METTL25: variants seen among roughly 807,000 people sequenced by gnomAD.
METTL25 encodes probable methyltransferase-like protein 25.
METTL25 carries 64 observed loss-of-function variants against 71.6 expected under a neutral mutation model. The ratio of observed to expected loss-of-function variants is 0.89; its 90% confidence interval spans 0.73 to 1.10. The LOEUF is 1.10. Among genes scored for constraint, METTL25 ranks in the 50% least tolerant of loss-of-function variants. The pLI is 0.00. For missense variants in METTL25, 807 were observed against 707.0 expected, an observed-to-expected ratio of 1.14 and a Z score of -1.60; for synonymous variants, 287 against 250.3, an observed-to-expected ratio of 1.15 and a Z score of -1.38.
chr12:82,462,459 C>T (rs1406924144), intron 9 of METTL25, among the ~76,000 whole-genome samples: 1 of 151,872 alleles, frequency 6.6e-6, no homozygotes, highest in Non-Finnish European at 1.5e-5. Flanking sequence ...GAGAACATAC[C>T]GTATTTAATG....
chr12:82,396,242 A>G (rs1251054032), intron 3 of METTL25, among the ~76,000 whole-genome samples: 2 of 152,080 alleles, frequency 1.3e-5, no homozygotes, highest in African/African-American at 4.8e-5. Flanking sequence ...TCATTAAGTG[A>G]TGCATGACTG....
At chr12:82,447,721 T>A (rs1890856583) in intron 8 of METTL25, among the ~76,000 whole-genome samples, 1 of 152,134 alleles carries the variant, frequency 6.6e-6, no homozygotes. Flanking sequence ...ACTAGTAATG[T>A]ATTTCTCAAG....
chr12:82,420,049 G>A, intron 5 of METTL25, among the ~76,000 whole-genome samples: 1 of 152,090 alleles, frequency 6.6e-6, no homozygotes, highest in South Asian at 2.1e-4. Context: ...AGCAAGTCCT[G>A]CCATTTTCTA....
chr12:82,465,949 A>G (rs985933811), intron 9 of METTL25, among the ~76,000 whole-genome samples: 38 of 141,766 alleles, frequency 2.7e-4, no homozygotes, highest in East Asian at 8.3e-4. Context: ...TGTGATGTCT[A>G]TATTTTTGTT....
At chr12:82,435,256 T>A (rs1343897987) in intron 7 of METTL25, among the ~76,000 whole-genome samples, 1 of 151,506 alleles carries the variant, frequency 6.6e-6, no homozygotes, top group Non-Finnish European at 1.5e-5. Flanking sequence ...AAGATTTTTT[T>A]AAGAGTTTTT....
chr12:82,434,628 A>G, intron 6 of METTL25, 67 bp from the exon 7 acceptor site: 3 of 1,247,150 alleles, frequency 2.4e-6, no homozygotes, highest in East Asian at 2.4e-5. Context: ...AAACTCTTAT[A>G]CAGTGTGTTT....
At chr12:82,379,844 C>G (rs1884252072) in intron 1 of METTL25, among the ~76,000 whole-genome samples, 1 of 152,138 alleles carries the variant, frequency 6.6e-6, no homozygotes, top group East Asian at 1.9e-4. Flanking sequence ...TTCATCCATC[C>G]TTAGTCATGC....
chr12:82,416,333 T>A (rs1887978122), intron 5 of METTL25, among the ~76,000 whole-genome samples: 1 of 152,112 alleles, frequency 6.6e-6, no homozygotes, highest in African/African-American at 2.4e-5. Context: ...TTAAATTGCC[T>A]TCTATATTAT....
intron 5 of METTL25, among the ~76,000 whole-genome samples, chr12:82,410,367 C>T (rs375163474): frequency 4.3e-4 from 65 of 152,116 alleles, no homozygotes; most frequent in Non-Finnish European, 8.7e-4. Context: ...CAGTAAAGAT[C>T]TGACAATATT....
chr12:82,417,183 G>A (rs1247575161), intron 5 of METTL25, among the ~76,000 whole-genome samples: 1 of 151,726 alleles, frequency 6.6e-6, no homozygotes, highest in African/African-American at 2.4e-5. Context: ...TAAAATGGCT[G>A]GTAAATGACA....
chr12:82,377,834 C>CA (rs1020222260), intron 1 of METTL25, among the ~76,000 whole-genome samples: 3 of 151,944 alleles, frequency 2.0e-5, no homozygotes, highest in South Asian at 2.1e-4. Context: ...ACCACTGCAT[C>CA]AAAAAAAGGC....
At chr12:82,415,713 C>G (rs1887924668) in intron 5 of METTL25, among the ~76,000 whole-genome samples, 2 of 152,156 alleles carry the variant, frequency 1.3e-5, no homozygotes, top group African/African-American at 4.8e-5. Flanking sequence ...TTGTCCTACT[C>G]AGACCCTCAA....
chr12:82,436,563 G>T (rs1889931686), intron 7 of METTL25, among the ~76,000 whole-genome samples: 2 of 151,406 alleles, frequency 1.3e-5, no homozygotes, highest in Admixed American at 1.3e-4. Context: ...CTTTCTCTTA[G>T]GAAACAGCTG....
At chr12:82,370,781 C>CCTCTCT (rs569621258) in intron 1 of METTL25, among the ~76,000 whole-genome samples, 4 of 151,030 alleles carry the variant, frequency 2.6e-5, no homozygotes, top group African/African-American at 9.7e-5. Flanking sequence ...TCTCTTCCTC[C>CCTCTCT]CTCTCTCTCT....
chr12:82,457,725 C>T (rs1029820611), intron 9 of METTL25, among the ~76,000 whole-genome samples: 7 of 151,880 alleles, frequency 4.6e-5, no homozygotes, highest in African/African-American at 1.7e-4. Context: ...TTTTAATTAT[C>T]GTAATCCCTT....
intron 1 of METTL25, among the ~76,000 whole-genome samples, chr12:82,381,574 C>T (rs949433383): frequency 1.9e-4 from 29 of 152,254 alleles, no homozygotes; most frequent in African/African-American, 6.5e-4. Flanking sequence ...CTTTTGAAAG[C>T]GATAGTATAT....
intron 1 of METTL25, among the ~76,000 whole-genome samples, chr12:82,367,462 A>G (rs976516009): frequency 6.6e-6 from 1 of 152,192 alleles, no homozygotes; most frequent in Non-Finnish European, 1.5e-5. Flanking sequence ...CATTCCTTCT[A>G]TAAATGACAT....
chr12:82,441,833 A>ACACACACACG (rs1890368059), intron 8 of METTL25, among the ~76,000 whole-genome samples: 1 of 151,034 alleles, frequency 6.6e-6, no homozygotes, highest in Non-Finnish European at 1.5e-5. Context: ...ACACACACAC[A>ACACACACACG]GAAAAACCTG....
At chr12:82,360,947 G>A (rs1435979138) in intron 1 of METTL25, among the ~76,000 whole-genome samples, 17 of 152,270 alleles carry the variant, frequency 1.1e-4, no homozygotes, top group Middle Eastern at 6.8e-3. Flanking sequence ...AGACCTTTGC[G>A]GTGAGTGTTA....
Sources: allele counts gnomAD v4.1 joint callset (sites outside exome capture counted in the v4.1 genomes callset), GRCh38; gene constraint gnomAD v4.1.1; transcripts MANE v1.5; gene names NCBI Gene and HGNC (gene_info 2026-07-23, HGNC 2026-07-21).